Variants in FNBP1 observed in about 807,000 individuals in gnomAD.
FNBP1 encodes formin-binding protein 1.
A neutral mutation model predicts 90.6 loss-of-function variants in FNBP1; 26 were observed. That is an observed-to-expected ratio of 0.29 (90% CI 0.21 to 0.40). The LOEUF (loss-of-function observed/expected upper bound fraction) is 0.40, where lower values mean the gene tolerates loss of function less well. Among genes scored for constraint, FNBP1 ranks in the 10% least tolerant of loss-of-function variants. The pLI is 1.00. For missense variants in FNBP1, 635 were observed against 768.0 expected, an observed-to-expected ratio of 0.83 and a Z score of 2.05; for synonymous variants, 260 against 265.2, an observed-to-expected ratio of 0.98 and a Z score of 0.19.
In FNBP1 at chr9:130,007,938, C is replaced by A. The variant is rs183441827; in HGVS notation, c.25-12980G>T. Reference sequence around the variant, plus strand: ...ACTTGAACCTGGGAGGTGGAGGTTGCAGTGAGCCAAGATCGCACCACTGCA... The same window carrying A: ...ACTTGAACCTGGGAGGTGGAGGTTGAAGTGAGCCAAGATCGCACCACTGCA... On this transcript the variant is annotated intron_variant, in intron 1 of 16. Coordinates refer to ENST00000446176, the MANE Select transcript of FNBP1 (RefSeq NM_015033.3). Among the ~76,000 whole-genome samples, 729 of 140,542 alleles carry A rather than the reference C, an allele frequency of 5.2e-3. 3 individuals are homozygous for A. Among genetic ancestry groups the A allele is most frequent in the Non-Finnish European group, 8.2e-3 (547 of 66,636 alleles). The allele number at this position is 140,542 out of a possible 152,430, so 92.2% of individuals were successfully genotyped here.
intron 6 of FNBP1, among the ~76,000 whole-genome samples, chr9:129,938,107 G>C (rs577945435): frequency 8.5e-5 from 13 of 152,282 alleles, no homozygotes; most frequent in South Asian, 8.3e-4. Context: ...AGGTTGCACT[G>C]AGCCGAGATT....
chr9:129,921,470 T>C (rs2041093079), intron 10 of FNBP1, among the ~76,000 whole-genome samples: 1 of 151,968 alleles, frequency 6.6e-6, no homozygotes, highest in Admixed American at 6.6e-5. Context: ...CTTGGCTCAC[T>C]GCAACCTCCA....
chr9:129,978,048 T>C (rs2050621284), intron 4 of FNBP1, among the ~76,000 whole-genome samples: 1 of 150,680 alleles, frequency 6.6e-6, no homozygotes, highest in African/African-American at 2.4e-5. Flanking sequence ...TGAGACGGAG[T>C]CTTGCTCTGT....
chr9:129,965,702 G>GTGCGCGCA (rs1554821652), intron 4 of FNBP1, among the ~76,000 whole-genome samples: 2 of 107,292 alleles, frequency 1.9e-5, no homozygotes, highest in African/African-American at 7.8e-5. Flanking sequence ...ACACACGCGC[G>GTGCGCGCA]CGCGCGCACA....
At chr9:129,896,095 G>T in intron 15 of FNBP1, 99 bp from the exon 16 acceptor site, 1 of 1,310,510 alleles carries the variant, frequency 7.6e-7, no homozygotes, top group Non-Finnish European at 1.0e-6. Flanking sequence ...CGAAGATGAA[G>T]TCCACACAAA....
At chr9:129,924,867 CTA>C in intron 9 of FNBP1, 91 bp downstream of exon 9, 2 of 1,102,910 alleles carry the variant, frequency 1.8e-6, no homozygotes, top group Non-Finnish European at 2.6e-6. Flanking sequence ...CATTCTGAAA[CTA>C]CAGGTTTAGG....
At chr9:129,997,189 T>C (rs1197505168) in intron 1 of FNBP1, among the ~76,000 whole-genome samples, 3 of 151,948 alleles carry the variant, frequency 2.0e-5, no homozygotes, top group South Asian at 4.1e-4. Context: ...CCGGGCGTCA[T>C]GGCAGGCACC....
chr9:130,040,277 A>G (rs1240594838), intron 1 of FNBP1, among the ~76,000 whole-genome samples: 12 of 152,132 alleles, frequency 7.9e-5, no homozygotes. Flanking sequence ...TCCTTTTCCT[A>G]TATTAAACTG....
At chr9:130,000,552 A>G (rs953429623) in intron 1 of FNBP1, among the ~76,000 whole-genome samples, 1 of 152,180 alleles carries the variant, frequency 6.6e-6, no homozygotes, top group Non-Finnish European at 1.5e-5. Context: ...ATATATGCAG[A>G]TCTTCCAACT....
chr9:130,038,023 A>G (rs968680080), intron 1 of FNBP1, among the ~76,000 whole-genome samples: 1 of 152,116 alleles, frequency 6.6e-6, no homozygotes, highest in Non-Finnish European at 1.5e-5. Context: ...TGTATATTAT[A>G]TGCCTGGCAT....
Position 129,958,985 on chromosome 9 carries a change from C to CAAAAAAAAAAAAAAAAAAAA in FNBP1, c.346-452_346-433dup, listed in dbSNP as rs60640596. Among the ~76,000 whole-genome samples, 80 of 9,144 alleles carry CAAAAAAAAAAAAAAAAAAAA rather than the reference C, an allele frequency of 8.7e-3. 16 individuals are homozygous for CAAAAAAAAAAAAAAAAAAAA. The highest frequency in any genetic ancestry group is 9.7e-3 in the African/African-American group (24 of 2,480). The allele number at this position is 9,144 out of a possible 152,430, so 6.0% of individuals were successfully genotyped here. ...TGGATGACACAGTGAAACTCTGCCTCAAAAAAAAAAAAAAAAAAAAAAGGA... is the reference window on the plus strand; with the variant it reads ...TGGATGACACAGTGAAACTCTGCCTCAAAAAAAAAAAAAAAAAAAAAAAAAAAAAAAAAAAAAAAAAAGGA... On this transcript the variant is annotated intron_variant, in intron 4 of 16. Transcript: ENST00000446176.
intron 4 of FNBP1, among the ~76,000 whole-genome samples, chr9:129,972,917 T>A (rs531866270): frequency 6.6e-6 from 1 of 152,352 alleles, no homozygotes; most frequent in South Asian, 2.1e-4. Flanking sequence ...ATATGCAGCA[T>A]CTATTTATCA....
chr9:129,909,177 A>G (rs531302732), intron 11 of FNBP1, 178 bp from the exon 12 acceptor site: 183 of 637,932 alleles, frequency 2.9e-4, no homozygotes, highest in Non-Finnish European at 4.6e-4. Context: ...TGCAAACTGC[A>G]TAAGTCCCAT....
chr9:129,899,348 G>T (rs1184623678), intron 15 of FNBP1, among the ~76,000 whole-genome samples: 2 of 152,036 alleles, frequency 1.3e-5, no homozygotes, highest in Non-Finnish European at 2.9e-5. Context: ...AAAGTTCTAG[G>T]ATTACAGGTG....
chr9:130,046,417 C>T (rs1373249935), upstream of FNBP1, among the ~76,000 whole-genome samples: 2 of 151,802 alleles, frequency 1.3e-5, no homozygotes, highest in Non-Finnish European at 2.9e-5. Flanking sequence ...TGAGAACTTC[C>T]AGATAGCTAA....
At chr9:130,026,168 G>C (rs551121633) in intron 1 of FNBP1, among the ~76,000 whole-genome samples, 1 of 152,074 alleles carries the variant, frequency 6.6e-6, no homozygotes, top group South Asian at 2.1e-4. Context: ...TGAACAATAT[G>C]ACACACTGAC....
intron 15 of FNBP1, among the ~76,000 whole-genome samples, chr9:129,899,080 CTT>C (rs58059037): frequency 1.5e-4 from 21 of 141,870 alleles, no homozygotes; most frequent in Admixed American, 4.3e-4. Flanking sequence ...GCTGCTGCAG[CTT>C]TTTTTTTTTT....
At chr9:129,942,989 G>A (rs1035793044) in intron 6 of FNBP1, among the ~76,000 whole-genome samples, 3 of 151,926 alleles carry the variant, frequency 2.0e-5, no homozygotes, top group Admixed American at 6.6e-5. Context: ...CACTGCATCC[G>A]GCCCATTTGG....
intron 10 of FNBP1, 134 bp downstream of exon 10, chr9:129,923,710 T>G: frequency 1.9e-6 from 2 of 1,026,262 alleles, no homozygotes; most frequent in Non-Finnish European, 2.6e-6. Context: ...TAATGGTTTT[T>G]GTTTTTTTTT....
Sources: allele counts gnomAD v4.1 joint callset (sites outside exome capture counted in the v4.1 genomes callset), GRCh38; gene constraint gnomAD v4.1.1; transcripts MANE v1.5; gene names NCBI Gene and HGNC (gene_info 2026-07-23, HGNC 2026-07-21).